Variants in REEP3 observed in about 807,000 individuals in gnomAD.
REEP3 encodes the protein receptor accessory protein 3.
Under a neutral mutation model 41.3 loss-of-function variants are expected in REEP3, and 20 were observed. The observed-to-expected ratio is 0.48, with a 90% CI of 0.34 to 0.70. The LOEUF (loss-of-function observed/expected upper bound fraction) is 0.70. REEP3 is among the 30% of genes least tolerant of loss of function. REEP3 has a pLI of 0.01. For missense variants in REEP3, 271 were observed against 308.8 expected (o/e 0.88, Z 0.92); for synonymous variants, 104 against 101.8 (o/e 1.02, Z -0.13).
chr10:63,588,133 T>G (rs117046989), intron 2 of REEP3, among the ~76,000 whole-genome samples: 259 of 152,340 alleles, frequency 1.7e-3, no homozygotes, highest in Non-Finnish European at 3.0e-3. Flanking sequence ...ACAGCTAATA[T>G]GCCGCCTACT....
rs539027472 is a variant in REEP3, at chr10:63,579,047, G to C, written c.105+12637G>C. On this transcript the variant is annotated intron_variant, in intron 2 of 7. Transcript: ENST00000373758. ...TTCACTATGTGTTTTTTTTTGGGGG[G>C]GGGGAGATGGAGTCTCTCTCTGTCA... is the stretch of plus-strand genomic sequence containing the variant. Among the ~76,000 whole-genome samples, 120 of 134,706 alleles carry C rather than the reference G, an allele frequency of 8.9e-4. 2 individuals carry two copies. In the South Asian group the frequency reaches 0.026, roughly 29 times the overall value. The allele number at this position is 134,706 out of a possible 152,430, so 88.4% of individuals were successfully genotyped here.
intron 1 of REEP3, among the ~76,000 whole-genome samples, chr10:63,551,601 T>C (rs147218585): frequency 2.5e-4 from 38 of 152,162 alleles, no homozygotes; most frequent in Non-Finnish European, 5.0e-4. Context: ...ATGACCTGAG[T>C]CTAATCTTGA....
At chr10:63,527,256 T>C (rs187537286) in intron 1 of REEP3, among the ~76,000 whole-genome samples, 1 of 152,222 alleles carries the variant, frequency 6.6e-6, no homozygotes, top group East Asian at 1.9e-4. Context: ...TAGATCTTTC[T>C]CGACAGCATA....
intron 4 of REEP3, 149 bp from the exon 5 acceptor site, chr10:63,599,021 C>CA (rs1292257158): frequency 1.0e-4 from 54 of 533,786 alleles, no homozygotes; most frequent in Middle Eastern, 6.1e-4. Flanking sequence ...GACCCTCTCT[C>CA]AAAAAAAAGA....
At chr10:63,603,848 A>T (rs1014899582) in intron 5 of REEP3, among the ~76,000 whole-genome samples, 1 of 152,204 alleles carries the variant, frequency 6.6e-6, no homozygotes, top group Non-Finnish European at 1.5e-5. Flanking sequence ...TTTAAAGTAC[A>T]TGAAATTAGT....
chr10:63,621,538 A>C lies in REEP3; in HGVS notation c.*669A>C, dbSNP rs973530346. On this transcript the variant is annotated 3_prime_UTR_variant, in exon 8 of 8. Coordinates refer to ENST00000373758, the MANE Select transcript of REEP3 (RefSeq NM_001001330.3). ...GTTTTTGCCGTATTCTGACATGTCAAATCTATGCCTTGAATTATATCATCT... is the reference window on the plus strand; with the variant it reads ...GTTTTTGCCGTATTCTGACATGTCACATCTATGCCTTGAATTATATCATCT... 3.9e-5 allele frequency: 6 copies of C among 152,706 alleles called. No homozygotes were observed. In the East Asian group the frequency reaches 1.2e-3, roughly 29 times the overall value. 9.5% of individuals were successfully genotyped at this position (152,706 alleles called of 1,614,324 possible).
In REEP3 at chr10:63,551,393, C is replaced by T. The variant is rs567427439; in HGVS notation, c.33-14945C>T. Among the ~76,000 whole-genome samples the T allele has an allele frequency of 1.4e-3, 210 of 152,206 alleles. 2 individuals are homozygous for T. The highest frequency in any genetic ancestry group is 0.012 in the South Asian group (59 of 4,816). ...ATACAGGAGAATAGGTAAATCTCTC[C>T]TGGAGAAGAATCCATATAATTTATG... On this transcript the variant is annotated intron_variant, in intron 1 of 7. Transcript: ENST00000373758.
chr10:63,617,812 C>CTTTTTTTT lies in REEP3; in HGVS notation c.566-1823_566-1816dup, dbSNP rs60910642. 7.2e-5 allele frequency among the ~76,000 whole-genome samples: 6 copies of CTTTTTTTT among 83,550 alleles called. No homozygotes were observed. The East Asian group carries it at 1.5e-3, about 21-fold the overall frequency. 54.8% of individuals were successfully genotyped at this position (83,550 alleles called of 152,430 possible). A position where few individuals can be genotyped will look rare whatever the true frequency, so the allele number is the denominator to read the frequency against. On this transcript the variant is annotated intron_variant, in intron 6 of 7. Transcript: ENST00000373758. ...TCCTAAGCCTGGAAATCCTTCTACT[C>CTTTTTTTT]TTTTTTTTTTTTTTTTTTTTTTTTT... is the stretch of plus-strand genomic sequence containing the variant.
Position 63,599,181 on chromosome 10 carries a change from T to C in REEP3, c.315T>C (p.Asp105=), listed in dbSNP as rs776071087. 2.5e-6 allele frequency: 4 copies of C among 1,571,690 alleles called. No homozygotes were observed. The South Asian group carries it at 4.7e-5, about 19-fold the overall frequency. Residue 105 remains aspartate (D), a synonymous_variant, in exon 5 of 8, where the codon GAT becomes GAC. Transcript: ENST00000373758. The stretch of plus-strand genomic sequence containing the variant: ...GCTTTTTCCCCCAGGAGATTGATGA[T>C]TATATTGTACAAGCAAAGGAACGAG... ...LLSSKEREID[D]YIVQAKERGY... is the part of the protein sequence containing the mutation.
chr10:63,523,054 A>C (rs1359953640), intron 1 of REEP3, among the ~76,000 whole-genome samples: 1 of 150,062 alleles, frequency 6.7e-6, no homozygotes, highest in Non-Finnish European at 1.5e-5. Flanking sequence ...GATTTCTTTG[A>C]CCAGTTCTTC....
intron 3 of REEP3, among the ~76,000 whole-genome samples, chr10:63,597,321 G>A (rs1237067089): frequency 6.6e-6 from 1 of 152,168 alleles, no homozygotes; most frequent in Non-Finnish European, 1.5e-5. Flanking sequence ...TGCACTTGGA[G>A]CATATGAAGT....
At chr10:63,612,411 G>A (rs1191265356) in intron 6 of REEP3, among the ~76,000 whole-genome samples, 2 of 152,068 alleles carry the variant, frequency 1.3e-5, no homozygotes, top group African/African-American at 4.8e-5. Context: ...GGCTCAAGCA[G>A]TCTGTGTGTC....
chr10:63,592,232 CCTT>C (rs1956070868), intron 2 of REEP3, among the ~76,000 whole-genome samples: 1 of 152,138 alleles, frequency 6.6e-6, no homozygotes, highest in African/African-American at 2.4e-5. Context: ...GACTGTTCCT[CCTT>C]CAGCCATTTC....
chr10:63,549,871 T>C (rs1402663650), intron 1 of REEP3, among the ~76,000 whole-genome samples: 1 of 152,008 alleles, frequency 6.6e-6, no homozygotes, highest in East Asian at 1.9e-4. Context: ...AGGATTGAAG[T>C]TGAAATACAA....
Position 63,594,837 on chromosome 10 carries a change from C to G in REEP3, c.165C>G (p.Ala55=). The change falls in exon 3 of 8, where the codon GCC becomes GCG. Residue 55 remains alanine, a synonymous_variant. Coordinates refer to ENST00000373758, the MANE Select transcript of REEP3 (RefSeq NM_001001330.3). ...TCTATACTGTGATTGAAACAGTAGC[C>G]GATCAAACAGTTGCTTGGTAAGTTT... ...FALYTVIETV[A]DQTVAWFPLY... 1 of 1,609,824 alleles carries G rather than the reference C, an allele frequency of 6.2e-7. No individual in the cohort carries two copies.
At chr10:63,584,384 C>G (rs1179867901) in intron 2 of REEP3, among the ~76,000 whole-genome samples, 1 of 139,564 alleles carries the variant, frequency 7.2e-6, no homozygotes, top group Non-Finnish European at 1.5e-5. Context: ...GAGCTCACAT[C>G]AATCCTAAGC....
intron 2 of REEP3, 89 bp downstream of exon 2, chr10:63,566,499 G>A (rs756018371): frequency 1.3e-6 from 1 of 750,488 alleles, no homozygotes; most frequent in South Asian, 1.7e-5. Flanking sequence ...AACGGCTGGA[G>A]TAGTGTTTTG....
intron 2 of REEP3, among the ~76,000 whole-genome samples, chr10:63,577,139 A>G (rs1402173734): frequency 6.6e-6 from 1 of 152,192 alleles, no homozygotes; most frequent in Non-Finnish European, 1.5e-5. Context: ...AGACTCTTCC[A>G]TTCTGAAAGG....
At chr10:63,589,875 G>T (rs1956043963) in intron 2 of REEP3, among the ~76,000 whole-genome samples, 1 of 132,606 alleles carries the variant, frequency 7.5e-6, no homozygotes, top group Non-Finnish European at 1.5e-5. Context: ...CCTCACTGCA[G>T]CTTCCACCTC....
Sources: allele counts gnomAD v4.1 joint callset (sites outside exome capture counted in the v4.1 genomes callset), GRCh38; gene constraint gnomAD v4.1.1; transcripts MANE v1.5; gene names NCBI Gene and HGNC (gene_info 2026-07-23, HGNC 2026-07-21).